The following NDFIP2 variants were observed in gnomAD, a reference collection of about 807,000 sequenced individuals.
NDFIP2 encodes the protein Nedd4 family interacting protein 2.
NDFIP2 carries 19 observed loss-of-function variants against 36.0 expected under a neutral mutation model. That is an observed-to-expected ratio of 0.53 (90% CI 0.37 to 0.77). NDFIP2 has a LOEUF of 0.77. Among genes scored for constraint, NDFIP2 ranks in the 30% least tolerant of loss-of-function variants. The probability of loss-of-function intolerance (pLI) is 0.00; values close to 1 mark genes in which losing one functional copy is unlikely to be tolerated. For missense variants in NDFIP2, 446 were observed against 435.8 expected, an observed-to-expected ratio of 1.02 and a Z score of -0.21; for synonymous variants, 181 against 167.7, an observed-to-expected ratio of 1.08 and a Z score of -0.61.
At chr13:79,506,824 A>G (rs544686529) in intron 1 of NDFIP2, among the ~76,000 whole-genome samples, 1 of 152,196 alleles carries the variant, frequency 6.6e-6, no homozygotes, top group South Asian at 2.1e-4. Flanking sequence ...CAAAAATTTA[A>G]ATTATTATTT....
chr13:79,537,362 C>T (rs554627367), intron 3 of NDFIP2, among the ~76,000 whole-genome samples: 2 of 152,198 alleles, frequency 1.3e-5, no homozygotes, highest in East Asian at 1.9e-4. Flanking sequence ...CCACCCACCT[C>T]GGCCTCCCAA....
At chr13:79,548,613 T>A (rs976900572) in intron 6 of NDFIP2, among the ~76,000 whole-genome samples, 1 of 152,074 alleles carries the variant, frequency 6.6e-6, no homozygotes, top group Non-Finnish European at 1.5e-5. Context: ...AGTGGCGGGA[T>A]GATAATTGAA....
intron 1 of NDFIP2, among the ~76,000 whole-genome samples, chr13:79,514,526 T>A (rs569693806): frequency 6.6e-6 from 1 of 152,294 alleles, no homozygotes; most frequent in Admixed American, 6.5e-5. Flanking sequence ...AAAGTTAAGA[T>A]TATATCAAAG....
Position 79,548,018 on chromosome 13 carries a change from G to A in NDFIP2, c.841-310G>A, listed in dbSNP as rs569318176. ...GAGAGATTATGAAAAAAGGACTGAC[G>A]TGAAATTTCTAATAAGAAAATGTGT... On this transcript the variant is annotated intron_variant, in intron 5 of 7. Transcript: ENST00000218652. Among the ~76,000 whole-genome samples, 19 of 152,092 alleles carry A rather than the reference G, an allele frequency of 1.2e-4. No homozygotes were observed. In the East Asian group the frequency reaches 3.5e-3, roughly 28 times the overall value.
rs1408785538 is a variant in NDFIP2, at chr13:79,533,020, ATATAT to A, written c.488-299_488-295del. Among the ~76,000 whole-genome samples, 4 of 152,288 alleles carry A rather than the reference ATATAT, an allele frequency of 2.6e-5. No homozygotes were observed. The East Asian group carries it at 7.7e-4, about 29-fold the overall frequency. ...ACTAATAAGCACATAGAGAATACTCATATATTATGAGATTCTTACTTCTCTTGTCT... is the reference window on the plus strand; with the variant it reads ...ACTAATAAGCACATAGAGAATACTCATATGAGATTCTTACTTCTCTTGTCT... On this transcript the variant is annotated intron_variant, in intron 2 of 7. Transcript: ENST00000218652.
chr13:79,482,645 A>G (rs1280997632), intron 1 of NDFIP2, among the ~76,000 whole-genome samples: 2 of 152,212 alleles, frequency 1.3e-5, no homozygotes, highest in Admixed American at 1.3e-4. Flanking sequence ...ATAAGCCAAG[A>G]CTTTCTATTA....
Position 79,554,960 on chromosome 13 carries a change from A to G in NDFIP2, c.*2447A>G, listed in dbSNP as rs1172680495. 6.6e-6 allele frequency: 1 copy of G among 151,928 alleles called. No individual in the cohort carries two copies. The highest frequency in any genetic ancestry group is 1.5e-5 in the Non-Finnish European group (1 of 67,872). The allele number at this position is 151,928 out of a possible 1,614,324, so 9.4% of individuals were successfully genotyped here. A position where few individuals can be genotyped will look rare whatever the true frequency, so the allele number is the denominator to read the frequency against. On this transcript the variant is annotated 3_prime_UTR_variant, in exon 8 of 8. Coordinates refer to ENST00000218652, the MANE Select transcript of NDFIP2 (RefSeq NM_019080.3). ...AGGCAAAAACAACACTTTTCTATAT[A>G]GTGTATGCAGGACAGATTTTAGAAA...
At chr13:79,519,322 T>A (rs1321537977) in intron 1 of NDFIP2, among the ~76,000 whole-genome samples, 1 of 152,222 alleles carries the variant, frequency 6.6e-6, no homozygotes, top group Non-Finnish European at 1.5e-5. Flanking sequence ...TTTAAAAGTA[T>A]CTTAAAAATT....
At position 79,506,021 on chromosome 13, in the gene NDFIP2, A is replaced by C. The variant is rs185320671; in HGVS notation, c.322-14789A>C. On this transcript the variant is annotated intron_variant, in intron 1 of 7. Transcript: ENST00000218652. ...TGTAGAATCTGTGATGATCTTGTTT[A>C]TCATCATGGAGAAATCTAACAAATA... 3.9e-5 allele frequency among the ~76,000 whole-genome samples: 6 copies of C among 152,316 alleles called. No homozygotes were observed. The East Asian group carries it at 1.2e-3, about 29-fold the overall frequency.
chr13:79,537,317 G>T (rs138425125), intron 3 of NDFIP2, among the ~76,000 whole-genome samples: 2,309 of 152,124 alleles, frequency 0.015, 39 homozygotes, highest in Middle Eastern at 0.041. Context: ...CGCCATGTTG[G>T]TCAGGCTAGT....
chr13:79,483,186 GTTC>G lies in NDFIP2; in HGVS notation c.321+1667_321+1669del, dbSNP rs560433078. Among the ~76,000 whole-genome samples, 8 of 152,028 alleles carry G rather than the reference GTTC, an allele frequency of 5.3e-5. No individual in the cohort carries two copies. The South Asian group carries it at 1.7e-3, about 32-fold the overall frequency. ...CCTTGAGAACAGAGGGCAAAAATCA[GTTC>G]TTCTAAAGATAAAGCCTACCAGTCC... On this transcript the variant is annotated intron_variant, in intron 1 of 7. Transcript: ENST00000218652.
chr13:79,504,377 A>G (rs1222009885), intron 1 of NDFIP2, among the ~76,000 whole-genome samples: 1 of 152,134 alleles, frequency 6.6e-6, no homozygotes, highest in African/African-American at 2.4e-5. Context: ...GAAACATTTT[A>G]AAGTAAATGA....
chr13:79,485,870 A>C (rs757098379), intron 1 of NDFIP2, among the ~76,000 whole-genome samples: 1 of 152,164 alleles, frequency 6.6e-6, no homozygotes, highest in Non-Finnish European at 1.5e-5. Context: ...ATTACCTGGC[A>C]TGGAATATTG....
At chr13:79,515,041 G>A (rs544539518) in intron 1 of NDFIP2, among the ~76,000 whole-genome samples, 1 of 152,256 alleles carries the variant, frequency 6.6e-6, no homozygotes, top group East Asian at 1.9e-4. Flanking sequence ...GGTGAACATC[G>A]TAGACTAATT....
intron 1 of NDFIP2, among the ~76,000 whole-genome samples, chr13:79,487,844 T>C (rs1336067169): frequency 1.3e-5 from 2 of 152,166 alleles, no homozygotes; most frequent in South Asian, 4.1e-4. Flanking sequence ...TCTTAATTTT[T>C]ATGCACTGAT....
At chr13:79,528,064 C>T (rs1253279836) in intron 2 of NDFIP2, among the ~76,000 whole-genome samples, 1 of 152,048 alleles carries the variant, frequency 6.6e-6, no homozygotes, top group Admixed American at 6.6e-5. Flanking sequence ...AGTTTGAGAC[C>T]AGCCTGGGCA....
At chr13:79,507,039 T>C (rs1384388743) in intron 1 of NDFIP2, among the ~76,000 whole-genome samples, 1 of 152,148 alleles carries the variant, frequency 6.6e-6, no homozygotes, top group African/African-American at 2.4e-5. Context: ...ATCCCTGCCA[T>C]GAAAGATGAA....
chr13:79,546,987 A>G (rs1182696612), intron 5 of NDFIP2, among the ~76,000 whole-genome samples: 7 of 152,170 alleles, frequency 4.6e-5, no homozygotes, highest in South Asian at 2.1e-4. Context: ...GTAGGTGTAC[A>G]TGGGATTTAT....
chr13:79,509,150 A>C (rs1198993658), intron 1 of NDFIP2, among the ~76,000 whole-genome samples: 1 of 152,172 alleles, frequency 6.6e-6, no homozygotes, highest in Non-Finnish European at 1.5e-5. Context: ...ACACAGCCTC[A>C]GGAGGTCCTG....
Sources: gnomAD v4.1 joint callset for allele counts (sites outside exome capture counted in the v4.1 genomes callset) on GRCh38, gnomAD v4.1.1 for gene constraint, MANE v1.5 for transcripts, NCBI Gene and HGNC (gene_info 2026-07-23, HGNC 2026-07-21) for gene names.